The following LNX2 variants were observed in gnomAD, a reference collection of about 807,000 sequenced individuals.
LNX2 encodes the protein ligand of Numb protein X 2.
LNX2 carries 35 observed loss-of-function variants against 66.2 expected under a neutral mutation model. That is an observed-to-expected ratio of 0.53 (90% CI 0.40 to 0.70). LNX2 has a LOEUF of 0.70. LNX2 is among the 30% of genes least tolerant of loss of function. The probability of loss-of-function intolerance (pLI) is 0.00; values close to 1 mark genes in which losing one functional copy is unlikely to be tolerated. For synonymous variants in LNX2, 337 were observed against 315.6 expected (o/e 1.07, Z -0.72); for missense variants, 791 against 850.8 (o/e 0.93, Z 0.87).
At chr13:27,553,538 A>G (rs1955028581) in intron 7 of LNX2, 99 bp from the exon 8 acceptor site, 2 of 765,964 alleles carry the variant, frequency 2.6e-6, no homozygotes, top group Admixed American at 4.3e-5. Flanking sequence ...TAGTTCCCCC[A>G]ACTCTGATGA....
intron 4 of LNX2, among the ~76,000 whole-genome samples, chr13:27,565,382 G>A (rs548919844): frequency 3.3e-4 from 51 of 152,340 alleles, no homozygotes; most frequent in African/African-American, 1.2e-3. Context: ...CCAGAAGTGG[G>A]AGAGTCAAAG....
chr13:27,565,716 CTGTT>C (rs1316911095), intron 4 of LNX2, among the ~76,000 whole-genome samples: 2 of 152,152 alleles, frequency 1.3e-5, no homozygotes, highest in Non-Finnish European at 2.9e-5. Flanking sequence ...AAAAAAAACA[CTGTT>C]TGAAAGCTCA....
chr13:27,583,201 T>TCA (rs1566124630), intron 1 of LNX2, among the ~76,000 whole-genome samples: 1 of 14,024 alleles, frequency 7.1e-5, no homozygotes. Flanking sequence ...TGTGTGTGTG[T>TCA]GTGTGTGTGT....
intron 2 of LNX2, among the ~76,000 whole-genome samples, chr13:27,570,683 T>C (rs1317529435): frequency 6.6e-6 from 1 of 152,168 alleles, no homozygotes; most frequent in Non-Finnish European, 1.5e-5. Flanking sequence ...TTAAAATATT[T>C]TATTCAAAAA....
chr13:27,553,498 C>G (rs1451446985), intron 7 of LNX2, 59 bp from the exon 8 acceptor site: 9 of 1,334,682 alleles, frequency 6.7e-6, no homozygotes, highest in Non-Finnish European at 8.6e-6. Flanking sequence ...ACCTGCAAAT[C>G]TTGTTGTTTA....
At chr13:27,552,169 C>A (rs1371122329) in intron 8 of LNX2, among the ~76,000 whole-genome samples, 1 of 152,210 alleles carries the variant, frequency 6.6e-6, no homozygotes, top group African/African-American at 2.4e-5. Context: ...AATGTGCCAA[C>A]CTCCAAACTA....
intron 1 of LNX2, among the ~76,000 whole-genome samples, chr13:27,606,325 G>A (rs1048882542): frequency 2.1e-5 from 3 of 142,976 alleles, no homozygotes; most frequent in Admixed American, 7.4e-5. Context: ...AATTTTTATT[G>A]TGTTCAGCAT....
chr13:27,586,001 C>T (rs1955480652), intron 1 of LNX2, among the ~76,000 whole-genome samples: 2 of 104,668 alleles, frequency 1.9e-5, no homozygotes, highest in Non-Finnish European at 3.8e-5. Flanking sequence ...TATATATACA[C>T]TTATATATAT....
intron 2 of LNX2, among the ~76,000 whole-genome samples, chr13:27,570,484 A>C (rs965741715): frequency 3.9e-5 from 6 of 152,160 alleles, no homozygotes; most frequent in African/African-American, 1.4e-4. Flanking sequence ...AAATATCTTT[A>C]TTCACCTTTC....
intron 1 of LNX2, among the ~76,000 whole-genome samples, chr13:27,608,913 T>A (rs1475953260): frequency 6.6e-6 from 1 of 151,992 alleles, no homozygotes; most frequent in East Asian, 1.9e-4. Flanking sequence ...CAAGCGATTC[T>A]CTTGCCTCAG....
intron 5 of LNX2, among the ~76,000 whole-genome samples, chr13:27,561,492 T>G (rs185492420): frequency 6.6e-5 from 10 of 152,314 alleles, no homozygotes; most frequent in Admixed American, 6.5e-4. Context: ...TTGAGGAAAT[T>G]TTAAGGCATC....
chr13:27,619,796 C>A (rs1955872403), intron 1 of LNX2, among the ~76,000 whole-genome samples: 1 of 152,194 alleles, frequency 6.6e-6, no homozygotes, highest in Non-Finnish European at 1.5e-5. Flanking sequence ...GCAACTGCTT[C>A]CAAATCAAGA....
chr13:27,590,739 C>T (rs996286523), intron 1 of LNX2, among the ~76,000 whole-genome samples: 1 of 152,048 alleles, frequency 6.6e-6, no homozygotes, highest in Non-Finnish European at 1.5e-5. Flanking sequence ...GTGGATACTG[C>T]TATTCTGTGA....
At position 27,569,043 on chromosome 13, in the gene LNX2, C is replaced by T. The variant is rs967546040; in HGVS notation, c.641G>A (p.Ser214Asn). 3 of 1,613,350 alleles carry T rather than the reference C, an allele frequency of 1.9e-6. No individual in the cohort carries two copies. Among genetic ancestry groups the T allele is most frequent in the South Asian group, 2.2e-5 (2 of 91,004 alleles). Residue 214 changes from serine to asparagine, a missense_variant, in exon 3 of 10, where the codon AGC (serine) becomes AAC (asparagine). By Grantham distance (46) the Ser-to-Asn change is conservative (BLOSUM62 1). Coordinates refer to ENST00000316334, the MANE Select transcript of LNX2 (RefSeq NM_153371.4). ...ACCACACATACTGTCAGCTCCAGCGCTCTCCTCAAAGGCAGGGTTGTCAAG... is the reference window on the plus strand; with the variant it reads ...ACCACACATACTGTCAGCTCCAGCGTTCTCCTCAAAGGCAGGGTTGTCAAG... ...PGLDNPAFEESAGADTTQQPL... is the reference protein window; with the variant it reads ...PGLDNPAFEENAGADTTQQPL...
At chr13:27,563,959 C>T (rs1490088943) in intron 4 of LNX2, among the ~76,000 whole-genome samples, 1 of 152,134 alleles carries the variant, frequency 6.6e-6, no homozygotes, top group East Asian at 1.9e-4. Context: ...TTGAATAATA[C>T]AGGGTCAAGA....
intron 1 of LNX2, among the ~76,000 whole-genome samples, chr13:27,583,243 T>C (rs1272831711): frequency 0.065 from 1,394 of 21,398 alleles, 359 homozygotes; most frequent in African/African-American, 0.097. Context: ...TGTGTGTGTG[T>C]GTGTGTGTGT....
Position 27,560,110 on chromosome 13 carries a change from T to C in LNX2, c.1225-125A>G, listed in dbSNP as rs1266904922. The C allele has an allele frequency of 1.2e-5, 8 of 680,788 alleles. No individual in the cohort carries two copies. In the East Asian group the frequency reaches 2.2e-4, roughly 19 times the overall value. The allele number at this position is 680,788 out of a possible 1,614,324, so 42.2% of individuals were successfully genotyped here. A position where few individuals can be genotyped will look rare whatever the true frequency, so the allele number is the denominator to read the frequency against. On this transcript the variant is annotated intron_variant, in intron 5 of 9. Coordinates refer to ENST00000316334, the MANE Select transcript of LNX2 (RefSeq NM_153371.4). ...ACCAGGGCGTCATCTGGACAGTGAC[T>C]GCAAGCACCTGGTGGCAAGAGGAAT... is the stretch of plus-strand genomic sequence containing the variant.
At chr13:27,592,256 T>G (rs1039310274) in intron 1 of LNX2, among the ~76,000 whole-genome samples, 5 of 152,122 alleles carry the variant, frequency 3.3e-5, no homozygotes, top group Non-Finnish European at 7.4e-5. Flanking sequence ...ATGATGAACA[T>G]AGTTGAGATA....
chr13:27,603,233 A>C (rs1038420580), intron 1 of LNX2, among the ~76,000 whole-genome samples: 11 of 152,250 alleles, frequency 7.2e-5, no homozygotes, highest in South Asian at 6.2e-4. Context: ...TTGTTAAAAA[A>C]GAACACTGTC....
Sources: allele counts gnomAD v4.1 joint callset (sites outside exome capture counted in the v4.1 genomes callset), GRCh38; gene constraint gnomAD v4.1.1; transcripts MANE v1.5; gene names NCBI Gene and HGNC (gene_info 2026-07-23, HGNC 2026-07-21).